MAX: variants seen among roughly 807,000 people sequenced by gnomAD.
MAX encodes the protein protein max.
In MAX, 3 loss-of-function variants were observed where a neutral mutation model predicts 22.3. The ratio of observed to expected loss-of-function variants is 0.13; its 90% confidence interval spans 0.06 to 0.35. The LOEUF is 0.35. Among genes scored for constraint, MAX ranks in the 10% least tolerant of loss-of-function variants. MAX has a pLI of 1.00. For synonymous variants in MAX, 72 were observed against 77.7 expected, an observed-to-expected ratio of 0.93 and a Z score of 0.39; for missense variants, 119 against 209.4, an observed-to-expected ratio of 0.57 and a Z score of 2.66.
intron 3 of MAX, among the ~76,000 whole-genome samples, chr14:65,060,205 G>T (rs1419052954): frequency 6.7e-6 from 1 of 148,908 alleles, no homozygotes; most frequent in Non-Finnish European, 1.5e-5. Context: ...ATATAAAAAA[G>T]AAAATGAAAA....
intron 3 of MAX, chr14:65,040,826 A>T: frequency 1.2e-6 from 2 of 1,613,692 alleles, no homozygotes; most frequent in Non-Finnish European, 1.7e-6. Context: ...GCGGGGTACC[A>T]GGGATGGAAG....
chr14:65,077,253 G>T lies in MAX; in HGVS notation c.296-590C>A. ...TGACACCACCCACTGCCCATCCCTT[G>T]GTTCAGCTCAGCTTGAGCCTGGAAG... On this transcript the variant is annotated intron_variant, in intron 4 of 4. Coordinates refer to ENST00000358664, the MANE Select transcript of MAX (RefSeq NM_002382.5). This position sits in a 1 kb window ranked among gnomAD's most constrained non-coding sequence, Gnocchi z 6.3. 1.0e-6 allele frequency: 1 copy of T among 979,400 alleles called. No individual in the cohort carries two copies. The highest frequency in any genetic ancestry group is 1.6e-6 in the Non-Finnish European group (1 of 631,244). 60.7% of individuals were successfully genotyped at this position (979,400 alleles called of 1,614,324 possible).
chr14:65,015,440 A>ATT, intron 3 of MAX: 2 of 241,710 alleles, frequency 8.3e-6, no homozygotes, highest in Admixed American at 6.6e-5. Flanking sequence ...TTTTTAACAG[A>ATT]TGGTCATTTC....
In MAX at chr14:65,027,282, A is replaced by T; in HGVS notation, c.172-20998T>A. The T allele has an allele frequency of 1.0e-6, 1 of 990,818 alleles. No individual in the cohort carries two copies. Among genetic ancestry groups the T allele is most frequent in the Non-Finnish European group, 1.5e-6 (1 of 680,618 alleles). The allele number at this position is 990,818 out of a possible 1,614,324, so 61.4% of individuals were successfully genotyped here. A position where few individuals can be genotyped will look rare whatever the true frequency, so the allele number is the denominator to read the frequency against. ...CAGACAGAAATGATGATAGCTGGAG[A>T]GAGAATTAAGCCCTTTGGGGAGAGG... On this transcript the variant is annotated intron_variant, in intron 3 of 3. Transcript: ENST00000341653. The surrounding 1 kb of genome is among the most constrained non-coding windows in gnomAD (Gnocchi z 5.7).
At position 65,062,595 on chromosome 14, in the gene MAX, T is replaced by A. The variant is rs188217191; in HGVS notation, c.171+31113A>T. 1 of 152,818 alleles carries A rather than the reference T, an allele frequency of 6.5e-6. No individual in the cohort carries two copies. The highest frequency in any genetic ancestry group is 1.5e-5 in the Non-Finnish European group (1 of 68,042). 9.5% of individuals were successfully genotyped at this position (152,818 alleles called of 1,614,324 possible). On this transcript the variant is annotated intron_variant, in intron 3 of 3. Coordinates refer to the MAX transcript ENST00000341653. The surrounding 1 kb of genome is among the most constrained non-coding windows in gnomAD (Gnocchi z 4.3). ...TTTGCTGCCTCTAATTCCCTTTTGCTTTGCCATATTGGGCTATGTATTACC... is the reference window on the plus strand; with the variant it reads ...TTTGCTGCCTCTAATTCCCTTTTGCATTGCCATATTGGGCTATGTATTACC...
downstream of MAX, among the ~76,000 whole-genome samples, chr14:65,070,742 T>C (rs2062979520): frequency 6.6e-6 from 1 of 152,176 alleles, no homozygotes; most frequent in African/African-American, 2.4e-5. This position sits in a 1 kb window ranked among gnomAD's most constrained non-coding sequence, Gnocchi z 4.4. Context: ...AAGGGGTCCC[T>C]GAAGGGGAAG....
intron 3 of MAX, among the ~76,000 whole-genome samples, chr14:65,091,062 G>C (rs765213283): frequency 6.6e-6 from 1 of 152,184 alleles, no homozygotes. Context: ...GGAACACAGA[G>C]AGACCCAAAT....
At chr14:65,025,086 C>T (rs73268798) in intron 3 of MAX, among the ~76,000 whole-genome samples, 1,580 of 152,232 alleles carry the variant, frequency 0.01, 25 homozygotes, top group East Asian at 0.082. Context: ...TTCTGTAATA[C>T]GGAAGTGTCT....
intron 3 of MAX, among the ~76,000 whole-genome samples, chr14:65,020,790 G>T (rs1426994200): frequency 1.4e-5 from 2 of 144,040 alleles, no homozygotes; most frequent in Non-Finnish European, 3.0e-5. Context: ...GTAGTGCAGT[G>T]GCATGATCTC....
At chr14:65,073,072 T>C (rs533650976), downstream of MAX, among the ~76,000 whole-genome samples, 1 of 152,318 alleles carries the variant, frequency 6.6e-6, no homozygotes, top group African/African-American at 2.4e-5. Context: ...ACCTCAGTGC[T>C]TGCTTGGTCC....
intron 3 of MAX, among the ~76,000 whole-genome samples, chr14:65,024,844 A>G (rs2061950884): frequency 6.6e-6 from 1 of 152,096 alleles, no homozygotes; most frequent in Non-Finnish European, 1.5e-5. Context: ...GTCTTGAACT[A>G]CTGGCTTCAA....
At chr14:65,061,339 C>T in intron 3 of MAX, 1 of 1,612,622 alleles carries the variant, frequency 6.2e-7, no homozygotes, top group African/African-American at 1.3e-5. Context: ...CAGCTCTTTG[C>T]TCACCCATCT....
chr14:65,022,083 GC>G, intron 3 of MAX: 1 of 455,996 alleles, frequency 2.2e-6, no homozygotes, highest in Non-Finnish European at 4.4e-6. Context: ...AAGAGATGCT[GC>G]CCGTCTTCAC....
intron 3 of MAX, among the ~76,000 whole-genome samples, chr14:65,010,843 C>T (rs1292542542): frequency 6.6e-6 from 1 of 152,162 alleles, no homozygotes; most frequent in African/African-American, 2.4e-5. Flanking sequence ...CCACCTGTCA[C>T]TCCTCTTGTA....
chr14:65,095,647 C>T (rs987099041), intron 2 of MAX, among the ~76,000 whole-genome samples: 2 of 152,132 alleles, frequency 1.3e-5, no homozygotes, highest in African/African-American at 2.4e-5. Flanking sequence ...TCTGCGGCTC[C>T]TGTTTGCTAT....
intron 3 of MAX, chr14:65,061,203 A>G (rs1252941204): frequency 1.2e-6 from 2 of 1,614,050 alleles, no homozygotes; most frequent in Non-Finnish European, 1.7e-6. Context: ...CCAGTGTACA[A>G]CATTGGACCA....
Position 65,037,467 on chromosome 14 carries a change from A to G in MAX, c.172-31183T>C, listed in dbSNP as rs1217015019. On this transcript the variant is annotated intron_variant, in intron 3 of 3. Coordinates refer to the MAX transcript ENST00000341653. ...TTTTTGAGACGTCTCTTTTTGTTTT[A>G]TGTGTCTCCCAGATTGGAGTGCAGT... 5.4e-5 allele frequency among the ~76,000 whole-genome samples: 3 copies of G among 55,402 alleles called. No homozygotes were observed. The South Asian group carries it at 2.0e-3, about 38-fold the overall frequency. The allele number at this position is 55,402 out of a possible 152,430, so 36.3% of individuals were successfully genotyped here.
At chr14:65,018,513 T>C (rs2139537029) in intron 3 of MAX, among the ~76,000 whole-genome samples, 1 of 152,190 alleles carries the variant, frequency 6.6e-6, no homozygotes, top group Admixed American at 6.5e-5. Context: ...TAAAAGTGAT[T>C]TTATAAACTT....
At position 65,032,628 on chromosome 14, in the gene MAX, C is replaced by G. The variant is rs774143140; in HGVS notation, c.172-26344G>C. Reference sequence around the variant, plus strand: ...TTTCCAGAAGCGCATACTGTGCTGCCTCCGTAGCCTCGCTGACCAACATCA... The same window carrying G: ...TTTCCAGAAGCGCATACTGTGCTGCGTCCGTAGCCTCGCTGACCAACATCA... On this transcript the variant is annotated intron_variant, in intron 3 of 3. Coordinates refer to the MAX transcript ENST00000341653. The surrounding 1 kb of genome is among the most constrained non-coding windows in gnomAD (Gnocchi z 5.0). 1 of 1,613,954 alleles carries G rather than the reference C, an allele frequency of 6.2e-7. No homozygotes were observed. The highest frequency in any genetic ancestry group is 1.7e-5 in the Admixed American group (1 of 60,016).
Sources: gnomAD v4.1 joint callset for allele counts (sites outside exome capture counted in the v4.1 genomes callset) on GRCh38, gnomAD v4.1.1 for gene constraint, Gnocchi (gnomAD v3.1) non-coding constraint, MANE v1.5 for transcripts, NCBI Gene and HGNC (gene_info 2026-07-23, HGNC 2026-07-21) for gene names.